The following TOGARAM2 variants were observed in gnomAD, a reference collection of about 807,000 sequenced individuals.
TOGARAM2 encodes TOG array regulator of axonemal microtubules 2, also known as TOG array regulator of axonemal microtubules protein 2.
In TOGARAM2, 85 loss-of-function variants were observed where a neutral mutation model predicts 93.3. The observed-to-expected ratio is 0.91, with a 90% CI of 0.76 to 1.09. TOGARAM2 has a LOEUF of 1.09. Ranked by LOEUF, TOGARAM2 falls within the 50% of genes least tolerant of loss-of-function variation. The probability of loss-of-function intolerance (pLI) is 0.00; values close to 1 mark genes in which losing one functional copy is unlikely to be tolerated. For missense variants in TOGARAM2, 1,277 were observed against 1,334.5 expected (o/e 0.96, Z 0.67); for synonymous variants, 593 against 552.8 (o/e 1.07, Z -1.02).
chr2:28,959,794 A>C (rs1048277543), intron 1 of TOGARAM2, among the ~76,000 whole-genome samples: 8 of 152,338 alleles, frequency 5.3e-5, no homozygotes, highest in African/African-American at 1.9e-4. Context: ...CACGCCACTT[A>C]AAGTAAAACA....
chr2:29,003,130 C>T (rs1033900610), intron 5 of TOGARAM2, among the ~76,000 whole-genome samples: 5 of 152,122 alleles, frequency 3.3e-5, no homozygotes, highest in African/African-American at 1.2e-4. Context: ...CAGATTTGGG[C>T]CTTGGTTTCT....
intron 1 of TOGARAM2, among the ~76,000 whole-genome samples, chr2:28,982,531 C>T (rs1672246944): frequency 6.6e-6 from 1 of 152,134 alleles, no homozygotes; most frequent in Non-Finnish European, 1.5e-5. Context: ...GCCTTCTAGC[C>T]ACAGGCTGGC....
At chr2:29,003,825 C>T (rs1673462085) in intron 6 of TOGARAM2, 143 bp downstream of exon 6, 2 of 802,130 alleles carry the variant, frequency 2.5e-6, no homozygotes, top group South Asian at 5.1e-5. Context: ...GGGCTCCACC[C>T]ATGAGCCACA....
chr2:29,036,430 G>C, intron 17 of TOGARAM2, 111 bp from the exon 18 acceptor site: 1 of 893,948 alleles, frequency 1.1e-6, no homozygotes, highest in East Asian at 2.5e-5. Context: ...CGCAGGAGGA[G>C]TCTCTGCTGA....
intron 5 of TOGARAM2, 71 bp downstream of exon 5, chr2:29,002,818 A>C (rs1332476225): frequency 1.3e-5 from 19 of 1,416,616 alleles, no homozygotes; most frequent in Admixed American, 7.9e-5. Context: ...CTTTCTTTCT[A>C]GCCTCCACCA....
At chr2:29,025,385 TGAATTGTA>T (rs1173072539) in intron 13 of TOGARAM2, among the ~76,000 whole-genome samples, 2 of 143,802 alleles carry the variant, frequency 1.4e-5, no homozygotes, top group African/African-American at 5.2e-5. Flanking sequence ...TTAGGAGAAA[TGAATTGTA>T]TTTTTTTTTT....
At chr2:28,989,545 C>G (rs1160532519) in intron 1 of TOGARAM2, among the ~76,000 whole-genome samples, 1 of 152,104 alleles carries the variant, frequency 6.6e-6, no homozygotes, top group East Asian at 1.9e-4. Context: ...ACTACAGGCA[C>G]AGGCCACCAC....
intron 18 of TOGARAM2, among the ~76,000 whole-genome samples, chr2:29,041,272 C>T (rs1055257486): frequency 6.6e-6 from 1 of 152,184 alleles, no homozygotes; most frequent in Non-Finnish European, 1.5e-5. Context: ...GATCTGCTCA[C>T]CTCGGCCTCC....
intron 1 of TOGARAM2, among the ~76,000 whole-genome samples, chr2:28,984,626 C>G (rs543202248): frequency 6.6e-6 from 1 of 152,214 alleles, no homozygotes; most frequent in African/African-American, 2.4e-5. Context: ...CAGCCAAACC[C>G]TGCAGAAGGC....
At chr2:29,023,367 G>A (rs914338996) in intron 12 of TOGARAM2, among the ~76,000 whole-genome samples, 176 bp downstream of exon 12, 2 of 152,184 alleles carry the variant, frequency 1.3e-5, no homozygotes, top group African/African-American at 4.8e-5. Flanking sequence ...GGAAAACTGA[G>A]GCCTAGGGTT....
chr2:28,969,563 C>T (rs1332565862), intron 1 of TOGARAM2, among the ~76,000 whole-genome samples: 4 of 152,230 alleles, frequency 2.6e-5, no homozygotes, highest in East Asian at 3.9e-4. Flanking sequence ...AGAAGAAAAA[C>T]AAAAACGCCC....
intron 1 of TOGARAM2, among the ~76,000 whole-genome samples, chr2:28,969,186 A>C (rs1422392079): frequency 2.0e-5 from 3 of 152,236 alleles, no homozygotes; most frequent in African/African-American, 7.2e-5. Flanking sequence ...GCTGGGCGTC[A>C]GGAGATTTGC....
At chr2:29,037,198 G>T (rs1328960196) in intron 18 of TOGARAM2, among the ~76,000 whole-genome samples, 1 of 152,160 alleles carries the variant, frequency 6.6e-6, no homozygotes, top group African/African-American at 2.4e-5. Context: ...CATCAGGAAA[G>T]GTGAGAGCTT....
Position 29,026,934 on chromosome 2 carries a change from C to T in TOGARAM2, c.1935C>T (p.Leu645=). ...AGCAGATCGGCGCTGAGAAGCTTCTCTCGGGCACCAGAGACAGCACAGACA... is the reference window on the plus strand; with the variant it reads ...AGCAGATCGGCGCTGAGAAGCTTCTTTCGGGCACCAGAGACAGCACAGACA... ...VLEQIGAEKL[L]SGTRDSTDML... is the part of the protein sequence containing the mutation. The change falls in exon 14 of 20, where the codon CTC becomes CTT. Residue 645 remains leucine (L), a synonymous_variant. Transcript: ENST00000379558. 3 of 1,579,326 alleles carry T rather than the reference C, an allele frequency of 1.9e-6. No individual in the cohort carries two copies. Among genetic ancestry groups the T allele is most frequent in the Non-Finnish European group, 1.7e-6 (2 of 1,162,448 alleles).
chr2:29,023,939 G>A (rs1665144995), intron 12 of TOGARAM2, among the ~76,000 whole-genome samples, 200 bp from the exon 13 acceptor site: 2 of 152,162 alleles, frequency 1.3e-5, no homozygotes, highest in Non-Finnish European at 1.5e-5. Context: ...TGATAATGAT[G>A]GGATTAATAA....
Position 29,024,291 on chromosome 2 carries a change from AG to A in TOGARAM2, c.1771del (p.Ala591GlnfsTer6). On this transcript the variant is annotated frameshift_variant, in exon 13 of 20. Transcript: ENST00000379558. LOFTEE classifies it high-confidence loss of function. ...MADTNEFIQR[A>X]AGQSLRAMVE... ...CGGACACCAACGAGTTCATCCAGAGAGCAGCCGGCCAGTCTCTGAGGGCTAT... is the reference window on the plus strand; with the variant it reads ...CGGACACCAACGAGTTCATCCAGAGACAGCCGGCCAGTCTCTGAGGGCTAT... 6.2e-7 allele frequency: 1 copy of A among 1,613,428 alleles called. No homozygotes were observed. Among genetic ancestry groups the A allele is most frequent in the East Asian group, 2.2e-5 (1 of 44,862 alleles).
At chr2:29,008,617 C>T (rs148980399) in intron 6 of TOGARAM2, among the ~76,000 whole-genome samples, 11,442 of 151,976 alleles carry the variant, frequency 0.075, 508 homozygotes, top group African/African-American at 0.12. Context: ...CCACCAGGCC[C>T]GGCTAATTTT....
Position 29,035,449 on chromosome 2 carries a change from A to G in TOGARAM2, c.2226-15A>G. On this transcript the variant is annotated splice_polypyrimidine_tract_variant and intron_variant, in intron 16 of 19. Coordinates refer to ENST00000379558, the MANE Select transcript of TOGARAM2 (RefSeq NM_199280.4). ...CTCTTCCCTGGGGGGTTCAGACGCC[A>G]CGCTCCTTACCTAGGCTCAGCTGCA... 1 of 1,349,642 alleles carries G rather than the reference A, an allele frequency of 7.4e-7. No homozygotes were observed. The highest frequency in any genetic ancestry group is 2.1e-5 in the South Asian group (1 of 47,610). The allele number at this position is 1,349,642 out of a possible 1,614,324, so 83.6% of individuals were successfully genotyped here.
chr2:28,962,154 A>G (rs937183568), intron 1 of TOGARAM2, among the ~76,000 whole-genome samples: 2 of 151,876 alleles, frequency 1.3e-5, no homozygotes, highest in Non-Finnish European at 2.9e-5. Flanking sequence ...GGATATTGCT[A>G]TATACACTAT....
Sources: gnomAD v4.1 joint callset for allele counts (sites outside exome capture counted in the v4.1 genomes callset) on GRCh38, gnomAD v4.1.1 for gene constraint, MANE v1.5 for transcripts, NCBI Gene and HGNC (gene_info 2026-07-23, HGNC 2026-07-21) for gene names.